Variants in CRYBB1 observed in about 807,000 individuals in gnomAD.
CRYBB1 encodes beta-crystallin B1.
In CRYBB1, 16 loss-of-function variants were observed where a neutral mutation model predicts 29.5. That is an observed-to-expected ratio of 0.54 (90% confidence interval 0.37 to 0.82). The LOEUF (loss-of-function observed/expected upper bound fraction) is 0.82, where lower values mean the gene tolerates loss of function less well. Among genes scored for constraint, CRYBB1 ranks in the 40% least tolerant of loss-of-function variants. The pLI, the probability that CRYBB1 is intolerant of heterozygous loss-of-function variation, is 0.00. For missense variants in CRYBB1, 300 were observed against 350.5 expected (o/e 0.86, Z 1.15); for synonymous variants, 127 against 136.7 (o/e 0.93, Z 0.49).
intron 4 of CRYBB1, among the ~76,000 whole-genome samples, chr22:26,603,131 A>AC (rs1432451659): frequency 6.9e-6 from 1 of 144,728 alleles, no homozygotes; most frequent in Admixed American, 7.3e-5. Flanking sequence ...GTCTCAAAAA[A>AC]AAAAAAAAAA....
intron 4 of CRYBB1, among the ~76,000 whole-genome samples, chr22:26,607,110 G>C (rs185628872): frequency 6.7e-6 from 1 of 149,034 alleles, no homozygotes; most frequent in Non-Finnish European, 1.5e-5. Context: ...GCAACCTCTG[G>C]CTCCCGGGTT....
chr22:26,600,244 A>G (rs1775332119), intron 5 of CRYBB1, among the ~76,000 whole-genome samples: 1 of 152,138 alleles, frequency 6.6e-6, no homozygotes, highest in Non-Finnish European at 1.5e-5. Flanking sequence ...TACTAAAAAT[A>G]CAAAAAAATT....
At chr22:26,609,203 TG>T (rs1929081094) in intron 3 of CRYBB1, among the ~76,000 whole-genome samples, 1 of 152,202 alleles carries the variant, frequency 6.6e-6, no homozygotes, top group Non-Finnish European at 1.5e-5. Context: ...ACAAGGATGA[TG>T]GGCTATCACC....
intron 3 of CRYBB1, among the ~76,000 whole-genome samples, chr22:26,609,364 A>G (rs1929086136): frequency 6.6e-6 from 1 of 152,132 alleles, no homozygotes; most frequent in Non-Finnish European, 1.5e-5. Flanking sequence ...GAAGAGAAAT[A>G]AATGGGAGAA....
At chr22:26,607,487 T>C (rs1477770309) in intron 4 of CRYBB1, among the ~76,000 whole-genome samples, 3 of 147,462 alleles carry the variant, frequency 2.0e-5, no homozygotes, top group Admixed American at 6.9e-5. Context: ...AGGCCAGGAG[T>C]TCAAGGCTGC....
intron 2 of CRYBB1, among the ~76,000 whole-genome samples, chr22:26,613,561 T>A (rs1013275001): frequency 6.6e-6 from 1 of 152,266 alleles, no homozygotes; most frequent in African/African-American, 2.4e-5. Context: ...AAAGATTTCA[T>A]GGACACTTAT....
At chr22:26,613,709 G>A (rs144531930) in intron 2 of CRYBB1, among the ~76,000 whole-genome samples, 5,202 of 152,226 alleles carry the variant, frequency 0.034, 151 homozygotes, top group East Asian at 0.092. Context: ...TACAGCATGT[G>A]TGTTTGAGCA....
chr22:26,609,420 G>A (rs1045747776), intron 3 of CRYBB1, among the ~76,000 whole-genome samples: 9 of 152,186 alleles, frequency 5.9e-5, no homozygotes, highest in Admixed American at 5.9e-4. Context: ...ATGGGTGGAT[G>A]AAAGGATGGT....
chr22:26,604,416 C>G (rs1221708064), intron 4 of CRYBB1, among the ~76,000 whole-genome samples: 1 of 152,226 alleles, frequency 6.6e-6, no homozygotes, highest in Non-Finnish European at 1.5e-5. Flanking sequence ...TTCACCACCA[C>G]TAGGAGGAAG....
At chr22:26,617,017 G>C (rs1929377395) in intron 1 of CRYBB1, among the ~76,000 whole-genome samples, 1 of 152,238 alleles carries the variant, frequency 6.6e-6, no homozygotes, top group Non-Finnish European at 1.5e-5. Flanking sequence ...CATTTGTTCA[G>C]AGAATGAATG....
intron 4 of CRYBB1, among the ~76,000 whole-genome samples, chr22:26,602,446 C>G (rs192696559): frequency 6.6e-6 from 1 of 151,482 alleles, no homozygotes; most frequent in Non-Finnish European, 1.5e-5. Flanking sequence ...TTTTAATTTG[C>G]CAGGCATGGT....
rs754432639 is a variant in CRYBB1 at position 26,612,102 on chromosome 22, C to T, written c.269G>A (p.Arg90His). Residue 90 changes from arginine (R) to histidine (H), a missense_variant, in exon 3 of 6, where the codon CGT (arginine) becomes CAT (histidine). Arg to His is a conservative substitution (Grantham distance 29). Transcript: ENST00000647684. ...CSNLADRGFD[R>H]VRSIIVSAGP... Reference sequence around the variant, plus strand: ...CGCGGAGACAATGATGCTGCGCACACGGTCGAAGCCACGGTCTGCCAGATT... The same window carrying T: ...CGCGGAGACAATGATGCTGCGCACATGGTCGAAGCCACGGTCTGCCAGATT... 19 of 1,613,372 alleles carry T rather than the reference C, an allele frequency of 1.2e-5. No individual in the cohort carries two copies. The highest frequency in any genetic ancestry group is 3.3e-5 in the Admixed American group (2 of 59,980).
chr22:26,608,281 T>C (rs1929050071), intron 3 of CRYBB1, among the ~76,000 whole-genome samples: 1 of 152,210 alleles, frequency 6.6e-6, no homozygotes, highest in Non-Finnish European at 1.5e-5. Context: ...TGGTGAAGGA[T>C]TAAGTGAGAT....
In CRYBB1 at chr22:26,601,947, G is replaced by T. The variant is rs549883505; in HGVS notation, c.507C>A (p.Asp169Glu). ...FKGNTIEIQGDDAPSLWVYGF... is the reference protein window; with the variant it reads ...FKGNTIEIQGEDAPSLWVYGF... Reference sequence around the variant, plus strand: ...CGTAGACCCAGAGACTGGGTGCGTCGTCCCCCTGGATCTCTATGGTGTTGC... The same window carrying T: ...CGTAGACCCAGAGACTGGGTGCGTCTTCCCCCTGGATCTCTATGGTGTTGC... Residue 169 changes from aspartate (D) to glutamate (E), a missense_variant, in exon 5 of 6, where the codon GAC (aspartate) becomes GAA (glutamate). Coordinates refer to ENST00000647684, the MANE Select transcript of CRYBB1 (RefSeq NM_001887.4). 14 of 1,613,254 alleles carry T rather than the reference G, an allele frequency of 8.7e-6. No individual in the cohort carries two copies. Among genetic ancestry groups the T allele is most frequent in the Non-Finnish European group, 1.0e-5 (12 of 1,179,892 alleles).
chr22:26,601,285 G>T (rs1012654858), intron 5 of CRYBB1, among the ~76,000 whole-genome samples: 1 of 152,128 alleles, frequency 6.6e-6, no homozygotes. Context: ...GTATTCTCAT[G>T]ACATAAGGTC....
At chr22:26,604,919 C>A (rs1384410205) in intron 4 of CRYBB1, among the ~76,000 whole-genome samples, 1 of 152,154 alleles carries the variant, frequency 6.6e-6, no homozygotes, top group Non-Finnish European at 1.5e-5. Flanking sequence ...CCTATGAGAC[C>A]CTACAAGACC....
At chr22:26,610,845 CA>C (rs1321457667) in intron 3 of CRYBB1, among the ~76,000 whole-genome samples, 1 of 152,164 alleles carries the variant, frequency 6.6e-6, no homozygotes, top group African/African-American at 2.4e-5. Flanking sequence ...ACAAGGCAAA[CA>C]GGGGAAGTCA....
At chr22:26,606,563 GCA>G (rs1222420620) in intron 4 of CRYBB1, among the ~76,000 whole-genome samples, 3 of 152,200 alleles carry the variant, frequency 2.0e-5, no homozygotes, top group Non-Finnish European at 4.4e-5. Flanking sequence ...ACATAGGTTG[GCA>G]TATAAGAACC....
intron 2 of CRYBB1, among the ~76,000 whole-genome samples, chr22:26,613,044 A>G (rs1929230039): frequency 6.6e-6 from 1 of 152,138 alleles, no homozygotes; most frequent in Non-Finnish European, 1.5e-5. Flanking sequence ...GGACTCCTCC[A>G]GGGCAGGGCC....
Sources: allele counts gnomAD v4.1 joint callset (sites outside exome capture counted in the v4.1 genomes callset), GRCh38; gene constraint gnomAD v4.1.1; transcripts MANE v1.5; gene names NCBI Gene and HGNC (gene_info 2026-07-23, HGNC 2026-07-21).